L3HYPDH: variants seen among roughly 807,000 people sequenced by gnomAD.
L3HYPDH encodes trans-3-hydroxy-L-proline dehydratase.
Under a neutral mutation model 26.5 loss-of-function variants are expected in L3HYPDH, and 32 were observed. The ratio of observed to expected loss-of-function variants is 1.21; its 90% CI spans 0.91 to 1.62. The LOEUF (loss-of-function observed/expected upper bound fraction) is 1.62. Ranked by LOEUF, L3HYPDH falls within the 40% of genes most tolerant of loss-of-function variation. The pLI, the probability that L3HYPDH is intolerant of heterozygous loss-of-function variation, is 0.00. For synonymous variants in L3HYPDH, 215 were observed against 196.6 expected (o/e 1.09, Z -0.78); for missense variants, 554 against 476.4 (o/e 1.16, Z -1.52).
the L3HYPDH span, among the ~76,000 whole-genome samples, chr14:59,491,417 G>A: frequency 6.6e-6 from 1 of 152,206 alleles, no homozygotes; most frequent in Non-Finnish European, 1.5e-5. Context: ...GGTTGAAAGA[G>A]AACATGACAA....
At chr14:59,484,691 G>A, upstream of L3HYPDH, 1 of 1,433,598 alleles carries the variant, frequency 7.0e-7, no homozygotes, top group South Asian at 1.2e-5. Context: ...GCGGCCTTCG[G>A]TTGGCGGCGC....
At chr14:59,475,437 CA>C (rs533580872) in intron 4 of L3HYPDH, among the ~76,000 whole-genome samples, 150 of 151,862 alleles carry the variant, frequency 9.9e-4, no homozygotes, top group Non-Finnish European at 1.8e-3. Context: ...TTTGCCAAAA[CA>C]AAAAAAATTA....
upstream of L3HYPDH, chr14:59,484,568 GA>G: frequency 1.9e-6 from 3 of 1,572,178 alleles, no homozygotes; most frequent in East Asian, 2.4e-5. Context: ...AGTGCTTCTC[GA>G]AAAAAACCTT....
chr14:59,483,375 A>G, intron 1 of L3HYPDH: 1 of 308,924 alleles, frequency 3.2e-6, no homozygotes, highest in Non-Finnish European at 4.9e-6. Context: ...TGAGGAAAGG[A>G]GACCAGGTTT....
the L3HYPDH span, chr14:59,504,015 C>G: frequency 1.1e-5 from 18 of 1,613,638 alleles, no homozygotes; most frequent in African/African-American, 8.0e-5. Flanking sequence ...TTTACTTGTT[C>G]ACTGCAAAAT....
chr14:59,483,665 T>C (rs1217997401), intron 1 of L3HYPDH, 144 bp downstream of exon 1: 9 of 1,451,058 alleles, frequency 6.2e-6, no homozygotes, highest in Non-Finnish European at 8.1e-6. Context: ...CTGACACACG[T>C]TGGCAGTGAT....
chr14:59,469,282 C>G (rs148252976), downstream of L3HYPDH, among the ~76,000 whole-genome samples: 1 of 151,912 alleles, frequency 6.6e-6, no homozygotes, highest in Non-Finnish European at 1.5e-5. Flanking sequence ...AGGCCAGGCG[C>G]GGTGGCTCAT....
At chr14:59,486,645 A>G (rs758742760), upstream of L3HYPDH, 155 of 1,071,960 alleles carry the variant, frequency 1.4e-4, no homozygotes, top group Non-Finnish European at 2.0e-4. Flanking sequence ...CAAATGCTTC[A>G]GCTATTATTG....
upstream of L3HYPDH, chr14:59,484,572 A>G (rs1325849083): frequency 6.4e-7 from 1 of 1,573,624 alleles, no homozygotes; most frequent in South Asian, 1.2e-5. Context: ...CTTCTCGAAA[A>G]AAACCTTCAG....
At chr14:59,481,207 C>T (rs1889993674) in intron 1 of L3HYPDH, among the ~76,000 whole-genome samples, 1 of 152,142 alleles carries the variant, frequency 6.6e-6, no homozygotes, top group African/African-American at 2.4e-5. Context: ...TTACTCTTGT[C>T]CACCAATTAT....
At chr14:59,497,380 G>A in the L3HYPDH span, among the ~76,000 whole-genome samples, 3 of 152,242 alleles carry the variant, frequency 2.0e-5, no homozygotes, top group South Asian at 6.2e-4. Context: ...AGTGGAATGG[G>A]ATGAGGTCTT....
chr14:59,502,496 G>A, the L3HYPDH span, among the ~76,000 whole-genome samples: 1 of 152,062 alleles, frequency 6.6e-6, no homozygotes, highest in South Asian at 2.1e-4. Context: ...GAGAGTGAGT[G>A]GGGGAAAACA....
At chr14:59,480,811 G>A (rs1422998972) in intron 1 of L3HYPDH, among the ~76,000 whole-genome samples, 1 of 152,212 alleles carries the variant, frequency 6.6e-6, no homozygotes, top group African/African-American at 2.4e-5. Flanking sequence ...TTATCTTGAT[G>A]CTGGCGCAAC....
chr14:59,493,646 C>T, the L3HYPDH span, among the ~76,000 whole-genome samples: 2 of 152,116 alleles, frequency 1.3e-5, no homozygotes, highest in African/African-American at 2.4e-5. Context: ...GAAACTATTT[C>T]CTATATTCCA....
the L3HYPDH span, chr14:59,500,782 A>C: frequency 1.3e-5 from 2 of 154,048 alleles, no homozygotes; most frequent in Non-Finnish European, 2.9e-5. Flanking sequence ...TTAATAAGGC[A>C]AGGTTCTTCA....
chr14:59,484,673 C>A (rs1890371299), upstream of L3HYPDH: 8 of 1,505,706 alleles, frequency 5.3e-6, no homozygotes. Flanking sequence ...GGGCTCGGCT[C>A]TTTGTAGGCG....
upstream of L3HYPDH, chr14:59,487,719 C>G: frequency 6.2e-7 from 1 of 1,613,150 alleles, no homozygotes; most frequent in Non-Finnish European, 8.5e-7. Flanking sequence ...ATATTGTCAG[C>G]CTTGCACAGA....
chr14:59,481,527 A>T (rs1890020992), intron 1 of L3HYPDH, among the ~76,000 whole-genome samples: 1 of 152,190 alleles, frequency 6.6e-6, no homozygotes, highest in South Asian at 2.1e-4. Flanking sequence ...TCCAAAATCT[A>T]AGGGTTTTTC....
upstream of L3HYPDH, chr14:59,485,334 G>T: frequency 2.2e-6 from 1 of 457,014 alleles, no homozygotes. Context: ...GATTACAATT[G>T]GTTACAAAAA....
Sources: gnomAD v4.1 joint callset for allele counts (sites outside exome capture counted in the v4.1 genomes callset) on GRCh38, gnomAD v4.1.1 for gene constraint, MANE v1.5 for transcripts, NCBI Gene and HGNC (gene_info 2026-07-23, HGNC 2026-07-21) for gene names.